Variants in PTPRD observed in about 807,000 individuals in gnomAD.
The protein encoded by PTPRD is protein tyrosine phosphatase receptor type D.
A neutral mutation model predicts 214.5 loss-of-function variants in PTPRD; 34 were observed. That is an observed-to-expected ratio of 0.16 (90% confidence interval 0.12 to 0.21). The LOEUF (loss-of-function observed/expected upper bound fraction) is 0.21, where lower values mean the gene tolerates loss of function less well. PTPRD is among the 10% of genes least tolerant of loss of function. The probability of loss-of-function intolerance (pLI) is 1.00; values close to 1 mark genes in which losing one functional copy is unlikely to be tolerated. For synonymous variants in PTPRD, 1,128 were observed against 845.7 expected (o/e 1.33, Z -5.79); for missense variants, 2,545 against 2,398.7 (o/e 1.06, Z -1.27).
intron 12 of PTPRD, among the ~76,000 whole-genome samples, chr9:8,680,082 ATTC>A (rs1238793654): frequency 6.6e-6 from 1 of 152,124 alleles, no homozygotes; most frequent in Non-Finnish European, 1.5e-5. Context: ...AGATACTATG[ATTC>A]TTTTGTTTCT....
chr9:9,502,477 C>T (rs79857465), intron 8 of PTPRD, among the ~76,000 whole-genome samples: 1,636 of 151,938 alleles, frequency 0.011, 32 homozygotes, highest in African/African-American at 0.038. Context: ...TTTTACCATA[C>T]GTATATGTAT....
At chr9:9,778,731 C>T (rs1023844283) in intron 5 of PTPRD, among the ~76,000 whole-genome samples, 1 of 152,084 alleles carries the variant, frequency 6.6e-6, no homozygotes, top group Admixed American at 6.5e-5. Flanking sequence ...TACATCAGAT[C>T]CCCAAATACA....
intron 4 of PTPRD, among the ~76,000 whole-genome samples, chr9:9,994,449 G>T (rs764774866): frequency 6.6e-6 from 1 of 151,936 alleles, no homozygotes; most frequent in Non-Finnish European, 1.5e-5. Flanking sequence ...CAGAACTGAC[G>T]TCTTATCTGT....
At chr9:9,990,546 G>T (rs533620747) in intron 4 of PTPRD, among the ~76,000 whole-genome samples, 1 of 152,198 alleles carries the variant, frequency 6.6e-6, no homozygotes, top group African/African-American at 2.4e-5. Context: ...GAAGTAAGCT[G>T]TGCACACTGC....
chr9:9,540,450 A>T (rs1045784042), intron 8 of PTPRD, among the ~76,000 whole-genome samples: 1 of 151,794 alleles, frequency 6.6e-6, no homozygotes, highest in Non-Finnish European at 1.5e-5. Flanking sequence ...AATGTACAGT[A>T]ATGAAGTCTA....
chr9:8,684,668 G>A (rs888908417), intron 12 of PTPRD, among the ~76,000 whole-genome samples: 3 of 152,150 alleles, frequency 2.0e-5, no homozygotes, highest in African/African-American at 7.2e-5. Flanking sequence ...ATAAAAGAAT[G>A]AGGGAGCTAT....
At chr9:8,438,998 T>A (rs2095451649) in intron 34 of PTPRD, among the ~76,000 whole-genome samples, 1 of 152,168 alleles carries the variant, frequency 6.6e-6, no homozygotes. Flanking sequence ...CTACATTGAG[T>A]CATTATATTC....
chr9:8,359,616 G>A (rs1294494098), intron 39 of PTPRD, among the ~76,000 whole-genome samples: 1 of 152,130 alleles, frequency 6.6e-6, no homozygotes, highest in Non-Finnish European at 1.5e-5. Context: ...TTATAGGCGT[G>A]AGCCACCCCA....
At chr9:9,479,942 C>G (rs2095330263) in intron 8 of PTPRD, among the ~76,000 whole-genome samples, 1 of 152,060 alleles carries the variant, frequency 6.6e-6, no homozygotes, top group South Asian at 2.1e-4. Context: ...GCAAATCTGA[C>G]AGGCTACTCA....
At chr9:9,797,783 G>A (rs1275521201) in intron 5 of PTPRD, among the ~76,000 whole-genome samples, 2 of 152,148 alleles carry the variant, frequency 1.3e-5, no homozygotes, top group African/African-American at 2.4e-5. Context: ...AGGCTGTGGA[G>A]GTTGTAGTAA....
Position 8,897,306 on chromosome 9 carries a change from T to C in PTPRD, c.-104+121391A>G, listed in dbSNP as rs542385180. ...GAAAAGACAATAAGCATAAGAGAAGTTTACAAAGAGATGTTTTTTTTTCGT... is the reference window on the plus strand; with the variant it reads ...GAAAAGACAATAAGCATAAGAGAAGCTTACAAAGAGATGTTTTTTTTTCGT... On this transcript the variant is annotated intron_variant, in intron 11 of 45. Transcript: ENST00000381196. 2.1e-5 allele frequency among the ~76,000 whole-genome samples: 3 copies of C among 140,266 alleles called. No homozygotes were observed. In the South Asian group the frequency reaches 7.0e-4, roughly 33 times the overall value. The allele number at this position is 140,266 out of a possible 152,430, so 92.0% of individuals were successfully genotyped here.
chr9:8,333,171 G>GTACTT (rs1273722724), intron 43 of PTPRD, among the ~76,000 whole-genome samples: 3 of 152,172 alleles, frequency 2.0e-5, no homozygotes, highest in African/African-American at 7.2e-5. Flanking sequence ...GGCCCCATAA[G>GTACTT]TACTTTATGG....
At chr9:10,019,641 G>A (rs537906184) in intron 4 of PTPRD, among the ~76,000 whole-genome samples, 3 of 152,260 alleles carry the variant, frequency 2.0e-5, no homozygotes, top group East Asian at 3.9e-4. Context: ...CATGGATGAA[G>A]CTGGAAACCG....
chr9:9,864,287 C>T (rs1026254397), intron 5 of PTPRD, among the ~76,000 whole-genome samples: 5 of 149,822 alleles, frequency 3.3e-5, no homozygotes, highest in African/African-American at 7.4e-5. Flanking sequence ...GCCTGGGTAA[C>T]AGAGTGAGAC....
chr9:8,445,717 A>G (rs1414943432), intron 34 of PTPRD, among the ~76,000 whole-genome samples: 1 of 152,188 alleles, frequency 6.6e-6, no homozygotes, highest in African/African-American at 2.4e-5. Flanking sequence ...CAACAATTCC[A>G]TATTGTCTCT....
At chr9:9,046,633 C>CT (rs1235145326) in intron 10 of PTPRD, among the ~76,000 whole-genome samples, 6 of 152,176 alleles carry the variant, frequency 3.9e-5, no homozygotes, top group Middle Eastern at 3.4e-3. Context: ...GGTCATATAA[C>CT]TTTTTTATTA....
At chr9:9,764,030 T>A (rs1174583) in intron 6 of PTPRD, among the ~76,000 whole-genome samples, 28,727 of 151,948 alleles carry the variant, frequency 0.19, 4,298 homozygotes, top group African/African-American at 0.39. Context: ...CCCCCATTCC[T>A]TGAGCACCTC....
intron 4 of PTPRD, among the ~76,000 whole-genome samples, chr9:9,970,395 A>T (rs2095014730): frequency 6.8e-6 from 1 of 147,850 alleles, no homozygotes; most frequent in South Asian, 2.2e-4. Flanking sequence ...GCTTGCAGTG[A>T]GCCGAGAGCC....
intron 2 of PTPRD, among the ~76,000 whole-genome samples, chr9:10,437,103 G>A (rs2154522283): frequency 6.6e-6 from 1 of 151,858 alleles, no homozygotes; most frequent in South Asian, 2.1e-4. Context: ...TTTCCCTGAA[G>A]AATGGTACAT....
Sources: gnomAD v4.1 joint callset for allele counts (sites outside exome capture counted in the v4.1 genomes callset) on GRCh38, gnomAD v4.1.1 for gene constraint, MANE v1.5 for transcripts, NCBI Gene and HGNC (gene_info 2026-07-23, HGNC 2026-07-21) for gene names.